The following DPP6 variants were observed in gnomAD, a reference collection of about 807,000 sequenced individuals.
DPP6 encodes the protein dipeptidyl peptidase like 6, also known as A-type potassium channel modulatory protein DPP6.
A neutral mutation model predicts 122.6 loss-of-function variants in DPP6; 69 were observed. The observed-to-expected ratio is 0.56, with a 90% CI of 0.46 to 0.69. The LOEUF (loss-of-function observed/expected upper bound fraction) is 0.69, where lower values mean the gene tolerates loss of function less well. Ranked by LOEUF, DPP6 falls within the 30% of genes least tolerant of loss-of-function variation. The probability of loss-of-function intolerance (pLI) is 0.00; values close to 1 mark genes in which losing one functional copy is unlikely to be tolerated. For synonymous variants in DPP6, 418 were observed against 433.1 expected (o/e 0.97, Z 0.43); for missense variants, 928 against 1,116.9 (o/e 0.83, Z 2.41).
intron 2 of DPP6, among the ~76,000 whole-genome samples, chr7:154,452,679 C>A: frequency 6.6e-6 from 1 of 152,102 alleles, no homozygotes; most frequent in East Asian, 1.9e-4. Flanking sequence ...TTCCTGGTAC[C>A]CAGGGGCCCC....
intron 7 of DPP6, among the ~76,000 whole-genome samples, chr7:154,719,196 G>A (rs1269973194): frequency 2.6e-5 from 4 of 152,128 alleles, no homozygotes; most frequent in Non-Finnish European, 5.9e-5. Flanking sequence ...TTGGGTGATT[G>A]ATGGGCTTCC....
the DPP6 span, among the ~76,000 whole-genome samples, chr7:153,774,592 T>C: frequency 2.1e-3 from 318 of 152,308 alleles, no homozygotes; most frequent in African/African-American, 7.4e-3. Flanking sequence ...ATTAAATACA[T>C]TGAAGGAATA....
the DPP6 span, among the ~76,000 whole-genome samples, chr7:153,847,035 A>G: frequency 9.2e-5 from 14 of 152,082 alleles, no homozygotes; most frequent in Non-Finnish European, 1.9e-4. Flanking sequence ...AGATTTGACA[A>G]TTTGACTTGT....
chr7:154,370,289 A>G (rs1208802340), intron 1 of DPP6, among the ~76,000 whole-genome samples: 1 of 149,384 alleles, frequency 6.7e-6, no homozygotes, highest in African/African-American at 2.5e-5. Flanking sequence ...GGCTGGATAT[A>G]TGCATTTAAT....
intron 17 of DPP6, among the ~76,000 whole-genome samples, chr7:154,855,648 C>A (rs1042048457): frequency 1.3e-5 from 2 of 152,186 alleles, no homozygotes; most frequent in African/African-American, 4.8e-5. Context: ...TGTGAAGGGC[C>A]CTCCAGGAGG....
intron 1 of DPP6, among the ~76,000 whole-genome samples, chr7:154,426,653 A>G (rs1586235399): frequency 6.6e-6 from 1 of 152,102 alleles, no homozygotes; most frequent in Non-Finnish European, 1.5e-5. Context: ...ATTATTCTCC[A>G]GAGGGGCAAA....
intron 4 of DPP6, among the ~76,000 whole-genome samples, chr7:154,546,264 T>C (rs943612351): frequency 6.6e-6 from 1 of 152,208 alleles, no homozygotes; most frequent in Non-Finnish European, 1.5e-5. Flanking sequence ...CACTGAACTA[T>C]GAAAATACTT....
intron 1 of DPP6, among the ~76,000 whole-genome samples, chr7:154,101,702 C>T (rs1237649774): frequency 3.3e-5 from 5 of 151,358 alleles, no homozygotes; most frequent in East Asian, 3.9e-4. Flanking sequence ...CTGAGGCGGG[C>T]GGATCACCTG....
chr7:154,836,587 T>G (rs1040734923), intron 16 of DPP6, among the ~76,000 whole-genome samples: 9 of 152,264 alleles, frequency 5.9e-5, no homozygotes, highest in African/African-American at 1.9e-4. Flanking sequence ...ATCATTAATT[T>G]TGTTTAAATT....
intron 1 of DPP6, among the ~76,000 whole-genome samples, chr7:154,226,751 G>T (rs1477429940): frequency 1.3e-5 from 2 of 152,130 alleles, no homozygotes; most frequent in Non-Finnish European, 2.9e-5. Flanking sequence ...TTGTAGAGAG[G>T]AATAATTATT....
chr7:153,883,870 T>A (rs1248371614), upstream of DPP6, among the ~76,000 whole-genome samples: 2 of 152,230 alleles, frequency 1.3e-5, no homozygotes, highest in East Asian at 3.9e-4. Flanking sequence ...TCTGCAGGGC[T>A]CTGGGTCACA....
chr7:153,927,128 CAG>C (rs1442070425), intron 1 of DPP6, among the ~76,000 whole-genome samples: 1 of 151,786 alleles, frequency 6.6e-6, no homozygotes, highest in African/African-American at 2.4e-5. Context: ...ATCTGGGCAA[CAG>C]AGTTAGACCG....
At chr7:154,866,670 G>A (rs183266184) in intron 17 of DPP6, among the ~76,000 whole-genome samples, 14 of 152,336 alleles carry the variant, frequency 9.2e-5, no homozygotes, top group Admixed American at 5.9e-4. Context: ...GTGGTCTAAC[G>A]TCAGATTTGT....
intron 1 of DPP6, among the ~76,000 whole-genome samples, chr7:154,382,459 G>A (rs1426378498): frequency 6.6e-6 from 1 of 152,232 alleles, no homozygotes; most frequent in Non-Finnish European, 1.5e-5. Flanking sequence ...CATTGAGGCA[G>A]CCTGGGAGAT....
chr7:154,805,162 C>G (rs1264187935), intron 15 of DPP6, among the ~76,000 whole-genome samples, 198 bp downstream of exon 15: 2 of 152,204 alleles, frequency 1.3e-5, no homozygotes, highest in Non-Finnish European at 2.9e-5. Flanking sequence ...ACTTTTGAAG[C>G]TTTATTTTTC....
intron 7 of DPP6, among the ~76,000 whole-genome samples, chr7:154,673,562 A>T (rs1335847738): frequency 6.6e-6 from 1 of 152,206 alleles, no homozygotes; most frequent in African/African-American, 2.4e-5. Flanking sequence ...GCCAGAAGCC[A>T]CTTCTGTGAT....
intron 3 of DPP6, among the ~76,000 whole-genome samples, chr7:154,529,705 A>G (rs1008453068): frequency 1.3e-5 from 2 of 152,256 alleles, no homozygotes; most frequent in African/African-American, 4.8e-5. Context: ...AAATCTCAGC[A>G]GAAAACATAA....
At chr7:154,881,497 A>G (rs533867876) in intron 21 of DPP6, among the ~76,000 whole-genome samples, 24 of 152,290 alleles carry the variant, frequency 1.6e-4, no homozygotes, top group Admixed American at 1.0e-3. Context: ...GCCCTGGTAC[A>G]TGGCCCCTCA....
the DPP6 span, among the ~76,000 whole-genome samples, chr7:153,841,038 C>G: frequency 6.6e-6 from 1 of 152,166 alleles, no homozygotes; most frequent in African/African-American, 2.4e-5. Flanking sequence ...CCAGCAAGGT[C>G]TGGAAATAGC....
Sources: allele counts gnomAD v4.1 joint callset (sites outside exome capture counted in the v4.1 genomes callset), GRCh38; gene constraint gnomAD v4.1.1; transcripts MANE v1.5; gene names NCBI Gene and HGNC (gene_info 2026-07-23, HGNC 2026-07-21).